IGF2BP3: variants seen among roughly 807,000 people sequenced by gnomAD.
IGF2BP3 encodes the protein insulin-like growth factor 2 mRNA-binding protein 3.
A neutral mutation model predicts 73.8 loss-of-function variants in IGF2BP3; 9 were observed. That is an observed-to-expected ratio of 0.12 (90% CI 0.07 to 0.21). The LOEUF is 0.21. Ranked by LOEUF, IGF2BP3 falls within the 10% of genes least tolerant of loss-of-function variation. The pLI is 1.00. For missense variants in IGF2BP3, 542 were observed against 714.0 expected (o/e 0.76, Z 2.75); for synonymous variants, 258 against 256.7 (o/e 1.01, Z -0.05).
chr7:23,387,598 C>A (rs1786127791), intron 3 of IGF2BP3, among the ~76,000 whole-genome samples: 1 of 152,200 alleles, frequency 6.6e-6, no homozygotes, highest in South Asian at 2.1e-4. Flanking sequence ...ACTATCTGTA[C>A]TACTTCCCTG....
intron 6 of IGF2BP3, among the ~76,000 whole-genome samples, chr7:23,350,876 C>T (rs974711063): frequency 1.3e-4 from 20 of 152,232 alleles, no homozygotes; most frequent in African/African-American, 4.8e-4. Flanking sequence ...ATAAGATGAG[C>T]GATTCTTTAT....
intron 3 of IGF2BP3, among the ~76,000 whole-genome samples, chr7:23,412,842 C>CCT (rs1787068279): frequency 1.1e-4 from 4 of 36,980 alleles, no homozygotes; most frequent in African/African-American, 1.1e-4. Flanking sequence ...AGACTCTGGC[C>CCT]TTTTTTTTTT....
chr7:23,354,108 C>T (rs1226118828), intron 5 of IGF2BP3, among the ~76,000 whole-genome samples: 6 of 152,224 alleles, frequency 3.9e-5, no homozygotes, highest in Non-Finnish European at 8.8e-5. Context: ...ATTCTCCTGC[C>T]TCGGCCTCCT....
chr7:23,354,707 A>G (rs1321054890), intron 5 of IGF2BP3, among the ~76,000 whole-genome samples: 2 of 152,226 alleles, frequency 1.3e-5, no homozygotes, highest in African/African-American at 4.8e-5. Context: ...TGGGGAAAAG[A>G]AAAGATTCTC....
At chr7:23,320,760 C>A (rs904349112) in intron 10 of IGF2BP3, among the ~76,000 whole-genome samples, 1 of 150,516 alleles carries the variant, frequency 6.6e-6, no homozygotes, top group Non-Finnish European at 1.5e-5. Context: ...CCAGCCTGGG[C>A]AACATGGCAA....
At chr7:23,330,322 AATAT>A (rs975793965) in intron 10 of IGF2BP3, among the ~76,000 whole-genome samples, 1 of 148,422 alleles carries the variant, frequency 6.7e-6, no homozygotes, top group African/African-American at 2.4e-5. Context: ...ATATTTATAC[AATAT>A]ATATTTATAT....
intron 11 of IGF2BP3, among the ~76,000 whole-genome samples, chr7:23,318,588 T>C (rs1419455649): frequency 1.3e-5 from 2 of 152,202 alleles, no homozygotes; most frequent in Admixed American, 6.5e-5. Context: ...AGTTATCTAT[T>C]ACGGCAGACA....
At chr7:23,426,146 G>A (rs1787503672) in intron 2 of IGF2BP3, among the ~76,000 whole-genome samples, 3 of 151,602 alleles carry the variant, frequency 2.0e-5, no homozygotes, top group South Asian at 2.1e-4. Context: ...GGCCAACATC[G>A]TGAAAACCCA....
rs547945117 is a variant in IGF2BP3, at chr7:23,449,185, C to G, written c.236+19297G>C. On this transcript the variant is annotated intron_variant, in intron 2 of 14. Transcript: ENST00000258729. Reference sequence around the variant, plus strand: ...ATGCCATGGAATTGCATAAAATCCTCACTTGCTCTTGTTATGATGTAAATA... The same window carrying G: ...ATGCCATGGAATTGCATAAAATCCTGACTTGCTCTTGTTATGATGTAAATA... Among the ~76,000 whole-genome samples the G allele has an allele frequency of 4.0e-4, 60 of 151,878 alleles. 1 individual carries two copies. The highest frequency in any genetic ancestry group is 6.3e-4 in the Non-Finnish European group (43 of 67,984).
At chr7:23,390,912 C>T (rs1055481624) in intron 3 of IGF2BP3, among the ~76,000 whole-genome samples, 7 of 151,062 alleles carry the variant, frequency 4.6e-5, no homozygotes, top group African/African-American at 1.7e-4. Flanking sequence ...AATTCTCCTG[C>T]CTCAGCCTCC....
At chr7:23,445,697 A>G (rs181981528) in intron 2 of IGF2BP3, among the ~76,000 whole-genome samples, 1 of 152,324 alleles carries the variant, frequency 6.6e-6, no homozygotes, top group East Asian at 1.9e-4. Flanking sequence ...AAAATGCCAG[A>G]GACTGGGGAA....
chr7:23,382,974 G>A (rs1785959899), intron 3 of IGF2BP3, among the ~76,000 whole-genome samples: 2 of 150,770 alleles, frequency 1.3e-5, no homozygotes, highest in Non-Finnish European at 2.9e-5. Context: ...TTGGGAGGCT[G>A]AGGCAGGAGG....
At chr7:23,439,416 G>A (rs997567005) in intron 2 of IGF2BP3, among the ~76,000 whole-genome samples, 29 of 151,632 alleles carry the variant, frequency 1.9e-4, no homozygotes, top group Non-Finnish European at 3.2e-4. Context: ...AAAATTAGCC[G>A]GGTGTGGTGG....
intron 3 of IGF2BP3, among the ~76,000 whole-genome samples, chr7:23,404,013 C>G (rs1786750767): frequency 6.6e-6 from 1 of 151,474 alleles, no homozygotes; most frequent in Admixed American, 6.6e-5. Context: ...GCGGTATGTG[C>G]CTGTAGTCCT....
At chr7:23,390,856 T>C (rs1786250884) in intron 3 of IGF2BP3, among the ~76,000 whole-genome samples, 1 of 150,354 alleles carries the variant, frequency 6.7e-6, no homozygotes, top group Non-Finnish European at 1.5e-5. Context: ...TGGAGTGCAG[T>C]GGCATGATCT....
At chr7:23,412,909 G>C (rs1023459112) in intron 3 of IGF2BP3, among the ~76,000 whole-genome samples, 2 of 126,230 alleles carry the variant, frequency 1.6e-5, no homozygotes, top group African/African-American at 6.0e-5. Context: ...ACCCAGGCTG[G>C]AGTGCAGTGG....
intron 3 of IGF2BP3, among the ~76,000 whole-genome samples, chr7:23,395,437 A>G (rs1416904905): frequency 6.6e-6 from 1 of 152,180 alleles, no homozygotes; most frequent in Non-Finnish European, 1.5e-5. Context: ...AACATTTGTA[A>G]GAACTTCAGT....
intron 2 of IGF2BP3, among the ~76,000 whole-genome samples, chr7:23,432,270 G>A (rs149113472): frequency 6.9e-4 from 105 of 152,252 alleles, no homozygotes; most frequent in Non-Finnish European, 2.6e-4. Context: ...GTTTTTCTAC[G>A]TACTCTCTTA....
At position 23,470,331 on chromosome 7, in the gene IGF2BP3, A is replaced by T; in HGVS notation, c.-221T>A. On this transcript the variant is annotated 5_prime_UTR_variant, in exon 1 of 15. Coordinates refer to ENST00000258729, the MANE Select transcript of IGF2BP3 (RefSeq NM_006547.3). ...TGTTTTAAAAGAGAAAGAAAAGAAAAAGCCTAGCTACAACCCAAACGCATC... is the reference window on the plus strand; with the variant it reads ...TGTTTTAAAAGAGAAAGAAAAGAAATAGCCTAGCTACAACCCAAACGCATC... 5.6e-6 allele frequency: 2 copies of T among 356,362 alleles called. No individual in the cohort carries two copies. The highest frequency in any genetic ancestry group is 1.0e-5 in the Non-Finnish European group (2 of 198,774). The allele number at this position is 356,362 out of a possible 1,614,324, so 22.1% of individuals were successfully genotyped here.
Sources: allele counts gnomAD v4.1 joint callset (sites outside exome capture counted in the v4.1 genomes callset), GRCh38; gene constraint gnomAD v4.1.1; transcripts MANE v1.5; gene names NCBI Gene and HGNC (gene_info 2026-07-23, HGNC 2026-07-21).